PPP1R9A: variants seen among roughly 807,000 people sequenced by gnomAD.
PPP1R9A encodes neurabin-1.
A neutral mutation model predicts 141.9 loss-of-function variants in PPP1R9A; 59 were observed. That is an observed-to-expected ratio of 0.42 (90% confidence interval 0.34 to 0.52). PPP1R9A has a LOEUF of 0.52. Among genes scored for constraint, PPP1R9A ranks in the 20% least tolerant of loss-of-function variants. The pLI, the probability that PPP1R9A is intolerant of heterozygous loss-of-function variation, is 0.10. For synonymous variants in PPP1R9A, 500 were observed against 569.7 expected, an observed-to-expected ratio of 0.88 and a Z score of 1.74; for missense variants, 1,444 against 1,611.9, an observed-to-expected ratio of 0.90 and a Z score of 1.78.
At chr7:94,927,921 T>C (rs1020631729) in intron 2 of PPP1R9A, among the ~76,000 whole-genome samples, 3 of 152,182 alleles carry the variant, frequency 2.0e-5, no homozygotes, top group Admixed American at 6.5e-5. Context: ...ATTGTCAAAA[T>C]TGGGACACTT....
rs548473436 is a variant in PPP1R9A, at chr7:95,213,320, CT to C, written c.1956+9607del. Among the ~76,000 whole-genome samples the C allele has an allele frequency of 6.4e-3, 823 of 129,096 alleles. 4 individuals carry two copies. The highest frequency in any genetic ancestry group is 0.017 in the African/African-American group (592 of 34,298). 84.7% of individuals were successfully genotyped at this position (129,096 alleles called of 152,430 possible). ...GGTTGTACTATCTTTCTTTCTCTTT[CT>C]TTTTTTTTTTTTTTTTGGAGACAGA... On this transcript the variant is annotated intron_variant, in intron 7 of 19. Coordinates refer to ENST00000433360, the MANE Select transcript of PPP1R9A (RefSeq NM_001166160.2).
Position 94,936,658 on chromosome 7 carries a change from G to T in PPP1R9A, c.1395+25150G>T, listed in dbSNP as rs543748065. Among the ~76,000 whole-genome samples the T allele has an allele frequency of 2.0e-5, 3 of 147,258 alleles. No homozygotes were observed. The South Asian group carries it at 6.4e-4, about 32-fold the overall frequency. ...ATGGGGAGACTGTGTAGGGGTGTGT[G>T]TGTGTGTGTGTGTGTGTGTGTGTGT... is the stretch of plus-strand genomic sequence containing the variant. On this transcript the variant is annotated intron_variant, in intron 2 of 19. Transcript: ENST00000433360.
chr7:95,116,263 A>G (rs141317418), intron 3 of PPP1R9A, among the ~76,000 whole-genome samples: 47 of 152,292 alleles, frequency 3.1e-4, no homozygotes, highest in African/African-American at 8.4e-4. Flanking sequence ...AAATGAAATG[A>G]CCAGTATAAA....
chr7:95,141,636 G>C (rs1176844597), intron 4 of PPP1R9A, among the ~76,000 whole-genome samples: 1 of 96,254 alleles, frequency 1.0e-5, no homozygotes, highest in African/African-American at 5.1e-5. Context: ...TTTGTGACTG[G>C]CTTTTTTTTT....
At chr7:95,100,901 G>T (rs1818692066) in intron 2 of PPP1R9A, among the ~76,000 whole-genome samples, 1 of 138,362 alleles carries the variant, frequency 7.2e-6, no homozygotes, top group Non-Finnish European at 1.5e-5. Flanking sequence ...CGCCCAGGCT[G>T]GAGTGCAGTG....
intron 3 of PPP1R9A, among the ~76,000 whole-genome samples, chr7:95,113,895 A>T (rs1821011642): frequency 6.6e-6 from 1 of 152,226 alleles, no homozygotes; most frequent in Non-Finnish European, 1.5e-5. Context: ...TTAAATGAAA[A>T]AGTATGAAGA....
chr7:95,051,836 T>A (rs563814110), intron 2 of PPP1R9A, among the ~76,000 whole-genome samples: 24 of 145,330 alleles, frequency 1.7e-4, no homozygotes, highest in South Asian at 4.2e-4. Flanking sequence ...ATTTTTTTTT[T>A]ATTTTAATTT....
At chr7:95,286,964 A>C (rs1268339818) in intron 18 of PPP1R9A, 4 of 804,370 alleles carry the variant, frequency 5.0e-6, no homozygotes, top group Non-Finnish European at 7.6e-6. Flanking sequence ...TATTCACAAA[A>C]CTTTTTTTTT....
At chr7:95,083,641 T>A (rs1490730033) in intron 2 of PPP1R9A, among the ~76,000 whole-genome samples, 1 of 151,978 alleles carries the variant, frequency 6.6e-6, no homozygotes, top group Non-Finnish European at 1.5e-5. Context: ...GCTAAGCTAA[T>A]CAAGCAGAGA....
chr7:95,108,055 T>C (rs965403523), intron 2 of PPP1R9A, among the ~76,000 whole-genome samples: 2 of 152,018 alleles, frequency 1.3e-5, no homozygotes, highest in African/African-American at 4.8e-5. Context: ...TATATAGGTA[T>C]TGAGTTTTAA....
chr7:95,204,207 G>C (rs939883123), intron 7 of PPP1R9A, among the ~76,000 whole-genome samples: 2 of 151,954 alleles, frequency 1.3e-5, no homozygotes, highest in Middle Eastern at 3.2e-3. Flanking sequence ...TTATATGGTA[G>C]ACATATCAAA....
intron 8 of PPP1R9A, among the ~76,000 whole-genome samples, chr7:95,243,420 G>A (rs1407431775): frequency 1.3e-5 from 2 of 152,126 alleles, no homozygotes; most frequent in African/African-American, 4.8e-5. Flanking sequence ...TAAGGGAGGT[G>A]GAGGTCTGCT....
chr7:95,207,063 A>G (rs956799770), intron 7 of PPP1R9A, among the ~76,000 whole-genome samples: 4 of 147,826 alleles, frequency 2.7e-5, no homozygotes, highest in African/African-American at 7.5e-5. Flanking sequence ...TTTTCAGAAG[A>G]AAAAAAAAAG....
chr7:95,103,593 C>T (rs1434842998), intron 2 of PPP1R9A, among the ~76,000 whole-genome samples: 1 of 152,084 alleles, frequency 6.6e-6, no homozygotes, highest in Admixed American at 6.5e-5. Context: ...TGGTCTAGAT[C>T]TCCTGACCTG....
At chr7:94,975,346 G>GTTTTTTTTTTTTTT (rs67413314) in intron 2 of PPP1R9A, among the ~76,000 whole-genome samples, 1 of 128,552 alleles carries the variant, frequency 7.8e-6, no homozygotes. Flanking sequence ...ACAGGCTGTA[G>GTTTTTTTTTTTTTT]TTTTTTTTTG....
chr7:94,963,782 A>G (rs1222999133), intron 2 of PPP1R9A, among the ~76,000 whole-genome samples: 1 of 152,176 alleles, frequency 6.6e-6, no homozygotes, highest in Non-Finnish European at 1.5e-5. Flanking sequence ...CATATTCAAC[A>G]ATATCTTTAC....
chr7:95,122,987 A>G (rs1429960354), intron 4 of PPP1R9A, among the ~76,000 whole-genome samples: 1 of 152,104 alleles, frequency 6.6e-6, no homozygotes, highest in African/African-American at 2.4e-5. Context: ...ACCAAAGTAC[A>G]ACTTGATTAA....
intron 8 of PPP1R9A, among the ~76,000 whole-genome samples, chr7:95,227,194 G>A (rs1795258804): frequency 6.6e-6 from 1 of 152,158 alleles, no homozygotes; most frequent in South Asian, 2.1e-4. Flanking sequence ...TGTTCTCTAA[G>A]AATATTTTAA....
chr7:95,189,264 A>G (rs1050775851), intron 5 of PPP1R9A, among the ~76,000 whole-genome samples: 1 of 151,982 alleles, frequency 6.6e-6, no homozygotes. Context: ...CCTGATGGCT[A>G]CGTGCCTGGG....
Sources: gnomAD v4.1 joint callset for allele counts (sites outside exome capture counted in the v4.1 genomes callset) on GRCh38, gnomAD v4.1.1 for gene constraint, MANE v1.5 for transcripts, NCBI Gene and HGNC (gene_info 2026-07-23, HGNC 2026-07-21) for gene names.